Variants in RFFL observed in about 807,000 individuals in gnomAD.
RFFL encodes ring finger and FYVE like domain containing E3 ubiquitin protein ligase, also known as E3 ubiquitin-protein ligase rififylin.
A neutral mutation model predicts 40.4 loss-of-function variants in RFFL; 16 were observed. The ratio of observed to expected loss-of-function variants is 0.40; its 90% CI spans 0.27 to 0.60. The LOEUF (loss-of-function observed/expected upper bound fraction) is 0.60, where lower values mean the gene tolerates loss of function less well. Ranked by LOEUF, RFFL falls within the 20% of genes least tolerant of loss-of-function variation. RFFL has a pLI of 0.47. For synonymous variants in RFFL, 154 were observed against 167.9 expected, an observed-to-expected ratio of 0.92 and a Z score of 0.64; for missense variants, 367 against 451.7, an observed-to-expected ratio of 0.81 and a Z score of 1.70.
At chr17:35,075,009 T>C (rs937316982) in intron 1 of RFFL, among the ~76,000 whole-genome samples, 2 of 152,238 alleles carry the variant, frequency 1.3e-5, no homozygotes, top group Admixed American at 6.5e-5. Context: ...GACAGTTTTA[T>C]AACATCTGTC....
chr17:35,012,164 AGGGC>A lies in RFFL; in HGVS notation c.911-19_911-16del, dbSNP rs1192791541. On this transcript the variant is annotated splice_polypyrimidine_tract_variant and intron_variant, in intron 6 of 6. Transcript: ENST00000394597. ...TACTGCTCCCCCTGTACAAACACAC[AGGGC>A]AGAAAAAAAGGGGCAGAGGAGTGAG... The A allele has an allele frequency of 6.2e-6, 10 of 1,610,470 alleles. No individual in the cohort carries two copies. Among genetic ancestry groups the A allele is most frequent in the Admixed American group, 3.3e-5 (2 of 59,748 alleles).
chr17:35,030,792 A>G (rs1249231686), intron 1 of RFFL, among the ~76,000 whole-genome samples: 1 of 152,044 alleles, frequency 6.6e-6, no homozygotes, highest in Admixed American at 6.6e-5. Flanking sequence ...AGTATGTAAT[A>G]ATAAAAAGAA....
At chr17:35,032,258 T>G (rs989783922) in intron 1 of RFFL, among the ~76,000 whole-genome samples, 5 of 151,974 alleles carry the variant, frequency 3.3e-5, no homozygotes, top group African/African-American at 1.2e-4. Context: ...GGGACACGAT[T>G]AGGGCATTTT....
intron 1 of RFFL, among the ~76,000 whole-genome samples, chr17:35,036,938 T>C (rs1428203200): frequency 6.6e-6 from 1 of 152,188 alleles, no homozygotes; most frequent in Admixed American, 6.5e-5. Context: ...TGGTTTGCAA[T>C]GTAACTCCAA....
chr17:35,020,558 A>G (rs1392607752), intron 3 of RFFL, among the ~76,000 whole-genome samples: 1 of 151,762 alleles, frequency 6.6e-6, no homozygotes, highest in African/African-American at 2.4e-5. Flanking sequence ...CCACAAAACG[A>G]GTCCTTGGTG....
rs367770359 is a variant in RFFL at position 35,037,310 on chromosome 17, G to A, written c.-8-10749C>T. On this transcript the variant is annotated intron_variant, in intron 1 of 6. Transcript: ENST00000394597. ...ATGGTTAAAAGCATCTATGTTGTTAGTGCATAAAGAAAAGTATCCCACATT... is the reference window on the plus strand; with the variant it reads ...ATGGTTAAAAGCATCTATGTTGTTAATGCATAAAGAAAAGTATCCCACATT... 1.2e-4 allele frequency among the ~76,000 whole-genome samples: 18 copies of A among 152,284 alleles called. No individual in the cohort carries two copies. The South Asian group carries it at 3.7e-3, about 32-fold the overall frequency.
chr17:35,027,649 G>A lies in RFFL; in HGVS notation c.-8-1088C>T, dbSNP rs932632635. The stretch of plus-strand genomic sequence containing the variant: ...TGAGGCAGAAGAATGGCTTGAACCC[G>A]GGAAGTAGAGGTTGTGGTGACCCCA... On this transcript the variant is annotated intron_variant, in intron 1 of 6. Coordinates refer to ENST00000394597, the MANE Select transcript of RFFL (RefSeq NM_001017368.2). 1.6e-4 allele frequency among the ~76,000 whole-genome samples: 25 copies of A among 151,598 alleles called. No individual in the cohort carries two copies. The East Asian group carries it at 1.7e-3, about 11-fold the overall frequency.
chr17:35,076,346 A>G (rs1244581922), intron 1 of RFFL, among the ~76,000 whole-genome samples: 3 of 151,986 alleles, frequency 2.0e-5, no homozygotes, highest in Non-Finnish European at 2.9e-5. Flanking sequence ...CACATTGCCT[A>G]TAGGGTAGCC....
chr17:35,072,912 G>A (rs1332901532), intron 1 of RFFL, among the ~76,000 whole-genome samples: 1 of 151,976 alleles, frequency 6.6e-6, no homozygotes, highest in African/African-American at 2.4e-5. Context: ...GCATGGTAGC[G>A]TGCATCTGTA....
chr17:35,049,070 A>G (rs979219319), intron 1 of RFFL, among the ~76,000 whole-genome samples: 7 of 152,086 alleles, frequency 4.6e-5, no homozygotes, highest in African/African-American at 1.7e-4. Flanking sequence ...AGGTTTTACT[A>G]TTTGCCTATA....
At chr17:35,067,648 T>G, upstream of RFFL, among the ~76,000 whole-genome samples, 1 of 151,580 alleles carries the variant, frequency 6.6e-6, no homozygotes, top group Non-Finnish European at 1.5e-5. Flanking sequence ...AGAGACGGAG[T>G]TTCGCCATGT....
At chr17:35,085,260 A>C (rs1238497627) in intron 1 of RFFL, among the ~76,000 whole-genome samples, 1 of 152,198 alleles carries the variant, frequency 6.6e-6, no homozygotes, top group Non-Finnish European at 1.5e-5. Context: ...AGACTTCAGG[A>C]TCTCCCATTA....
chr17:35,027,902 A>G (rs932884282), intron 1 of RFFL, among the ~76,000 whole-genome samples: 16 of 151,690 alleles, frequency 1.1e-4, no homozygotes, highest in African/African-American at 3.4e-4. Context: ...GCGGGGTGGC[A>G]GGCGCCTGTA....
intron 4 of RFFL, 44 bp from the exon 5 acceptor site, chr17:35,016,624 C>T (rs966196818): frequency 1.4e-5 from 21 of 1,517,142 alleles, no homozygotes; most frequent in Non-Finnish European, 1.6e-5. Context: ...CTCTTACCTC[C>T]CCAAGCTCTT....
intron 1 of RFFL, among the ~76,000 whole-genome samples, chr17:35,056,125 G>A (rs1468168445): frequency 6.6e-6 from 1 of 151,984 alleles, no homozygotes; most frequent in African/African-American, 2.4e-5. Context: ...CCCAGGTCTT[G>A]GGTATTGACT....
chr17:35,029,623 C>T (rs368514677), intron 1 of RFFL, among the ~76,000 whole-genome samples: 3 of 151,102 alleles, frequency 2.0e-5, no homozygotes, highest in African/African-American at 7.3e-5. Flanking sequence ...CGGGTTCACA[C>T]CATTCTCCTG....
chr17:35,025,682 T>C (rs552121559), intron 2 of RFFL, among the ~76,000 whole-genome samples: 1 of 152,164 alleles, frequency 6.6e-6, no homozygotes, highest in South Asian at 2.1e-4. Flanking sequence ...GCAGGAGTTC[T>C]TTATCCAGGT....
intron 1 of RFFL, among the ~76,000 whole-genome samples, chr17:35,034,159 A>G (rs2091104476): frequency 6.6e-6 from 1 of 151,220 alleles, no homozygotes; most frequent in Non-Finnish European, 1.5e-5. Context: ...ATAAAAAATA[A>G]AATAATAATA....
rs2090937543 is a variant in RFFL at position 35,011,442 on chromosome 17, A to G, written c.*526T>C. ...AGGACCACTATCGGTCTGGTAAACT[A>G]ACATTTTTGGTCCAAAGAAACAAAT... is the stretch of plus-strand genomic sequence containing the variant. On this transcript the variant is annotated 3_prime_UTR_variant, in exon 7 of 7. Transcript: ENST00000394597. 1 of 154,136 alleles carries G rather than the reference A, an allele frequency of 6.5e-6. No homozygotes were observed. Among genetic ancestry groups the G allele is most frequent in the Admixed American group, 6.4e-5 (1 of 15,736 alleles). The allele number at this position is 154,136 out of a possible 1,614,324, so 9.5% of individuals were successfully genotyped here. A position where few individuals can be genotyped will look rare whatever the true frequency, so the allele number is the denominator to read the frequency against.
Sources: allele counts gnomAD v4.1 joint callset (sites outside exome capture counted in the v4.1 genomes callset), GRCh38; gene constraint gnomAD v4.1.1; transcripts MANE v1.5; gene names NCBI Gene and HGNC (gene_info 2026-07-23, HGNC 2026-07-21).